The following AK5 variants were observed in gnomAD, a reference collection of about 807,000 sequenced individuals.
AK5 encodes the protein adenylate kinase 5.
In AK5, 27 loss-of-function variants were observed where a neutral mutation model predicts 69.5. The observed-to-expected ratio is 0.39, with a 90% CI of 0.29 to 0.54. AK5 has a LOEUF of 0.54. Ranked by LOEUF, AK5 falls within the 20% of genes least tolerant of loss-of-function variation. The pLI, the probability that AK5 is intolerant of heterozygous loss-of-function variation, is 0.71. For missense variants in AK5, 531 were observed against 700.4 expected, an observed-to-expected ratio of 0.76 and a Z score of 2.73; for synonymous variants, 260 against 244.4, an observed-to-expected ratio of 1.06 and a Z score of -0.60.
intron 6 of AK5, among the ~76,000 whole-genome samples, chr1:77,369,262 C>A (rs1647075677): frequency 1.3e-5 from 2 of 152,156 alleles, no homozygotes; most frequent in South Asian, 4.1e-4. Flanking sequence ...AAACCAAGAT[C>A]TGTCTAATTC....
In AK5 at chr1:77,526,621, G is replaced by A. The variant is rs558819610; in HGVS notation, c.1428+4678G>A. On this transcript the variant is annotated intron_variant, in intron 12 of 13. Coordinates refer to ENST00000354567, the MANE Select transcript of AK5 (RefSeq NM_174858.3). ...CTCCCAAGTAGCTGGGACTACAGGCGCCCGCCACCACACCTGGCTAATTTT... is the reference window on the plus strand; with the variant it reads ...CTCCCAAGTAGCTGGGACTACAGGCACCCGCCACCACACCTGGCTAATTTT... 5.2e-3 allele frequency among the ~76,000 whole-genome samples: 780 copies of A among 151,272 alleles called. 7 individuals carry two copies. The highest frequency in any genetic ancestry group is 0.01 in the Middle Eastern group (3 of 292).
At chr1:77,337,552 C>G (rs1661426630) in intron 5 of AK5, among the ~76,000 whole-genome samples, 1 of 151,922 alleles carries the variant, frequency 6.6e-6, no homozygotes, top group Non-Finnish European at 1.5e-5. Context: ...GTGGCTGAAG[C>G]TGGATGTTAC....
chr1:77,402,968 A>C lies in AK5; in HGVS notation c.892-8013A>C, dbSNP rs1265176574. ...CCTCTCCAGCACCTGTTGTTTCCTG[A>C]CTTTTTAATGATTGCCATTCTAACT... On this transcript the variant is annotated intron_variant, in intron 6 of 13. Transcript: ENST00000354567. 2.0e-5 allele frequency among the ~76,000 whole-genome samples: 3 copies of C among 151,932 alleles called. No individual in the cohort carries two copies. In the East Asian group the frequency reaches 5.8e-4, roughly 29 times the overall value.
At chr1:77,284,268 G>A (rs1658224610) in intron 1 of AK5, among the ~76,000 whole-genome samples, 1 of 152,182 alleles carries the variant, frequency 6.6e-6, no homozygotes, top group South Asian at 2.1e-4. Flanking sequence ...AGTTCTCCAT[G>A]TGATTAGTGT....
chr1:77,518,247 G>A lies in AK5; in HGVS notation c.1148-317G>A, dbSNP rs77090113. Among the ~76,000 whole-genome samples, 527 of 152,250 alleles carry A rather than the reference G, an allele frequency of 3.5e-3. 6 individuals are homozygous for A. Among genetic ancestry groups the A allele is most frequent in the African/African-American group, 0.012 (499 of 41,542 alleles). On this transcript the variant is annotated intron_variant, in intron 10 of 13. Coordinates refer to ENST00000354567, the MANE Select transcript of AK5 (RefSeq NM_174858.3). The stretch of plus-strand genomic sequence containing the variant: ...GCCAAGTACCCCTCCTCTGTGCCCC[G>A]ATAGTAGGCTGTACTCATCTTCACT...
chr1:77,508,539 C>T (rs535083198), intron 10 of AK5, among the ~76,000 whole-genome samples: 15 of 152,266 alleles, frequency 9.9e-5, no homozygotes, highest in Middle Eastern at 6.8e-3. Flanking sequence ...ATTTCATTGA[C>T]CAAAACAAGT....
At chr1:77,409,986 A>G (rs1649928572) in intron 6 of AK5, among the ~76,000 whole-genome samples, 1 of 152,120 alleles carries the variant, frequency 6.6e-6, no homozygotes, top group Non-Finnish European at 1.5e-5. Context: ...AGCACTATTT[A>G]TTGAATAGGG....
At chr1:77,376,725 G>T (rs942730280) in intron 6 of AK5, among the ~76,000 whole-genome samples, 2 of 152,134 alleles carry the variant, frequency 1.3e-5, no homozygotes, top group African/African-American at 4.8e-5. Context: ...AGGATCACTT[G>T]AGTTGAGGAG....
intron 8 of AK5, among the ~76,000 whole-genome samples, chr1:77,447,682 A>G (rs1652838937): frequency 6.6e-6 from 1 of 152,254 alleles, no homozygotes; most frequent in Non-Finnish European, 1.5e-5. Context: ...CATTTGTGAT[A>G]ACACAATAGT....
intron 10 of AK5, among the ~76,000 whole-genome samples, chr1:77,517,697 GA>G (rs1400598369): frequency 6.6e-6 from 1 of 151,960 alleles, no homozygotes; most frequent in African/African-American, 2.4e-5. Flanking sequence ...AATAGCTAAG[GA>G]AAAAAATAAG....
chr1:77,349,783 T>A (rs1490504072), intron 6 of AK5, among the ~76,000 whole-genome samples: 1 of 152,222 alleles, frequency 6.6e-6, no homozygotes, highest in Non-Finnish European at 1.5e-5. Context: ...TTATCTATAC[T>A]ACTATCTCTT....
chr1:77,558,511 C>A, intron 13 of AK5, 91 bp from the exon 14 acceptor site: 1 of 802,716 alleles, frequency 1.2e-6, no homozygotes. Flanking sequence ...TTTTGCAGAG[C>A]AAATTATGAG....
At chr1:77,401,117 A>C (rs935082823) in intron 6 of AK5, among the ~76,000 whole-genome samples, 6 of 152,132 alleles carry the variant, frequency 3.9e-5, no homozygotes, top group Non-Finnish European at 8.8e-5. Context: ...ATGAGGCTTT[A>C]GAAATATGGT....
At chr1:77,499,693 G>A (rs1246571305) in intron 10 of AK5, among the ~76,000 whole-genome samples, 1 of 152,048 alleles carries the variant, frequency 6.6e-6, no homozygotes, top group Admixed American at 6.6e-5. Context: ...CTGCTGTTGA[G>A]AAAGGAAGAG....
At chr1:77,367,355 A>G (rs1412792486) in intron 6 of AK5, among the ~76,000 whole-genome samples, 2 of 149,490 alleles carry the variant, frequency 1.3e-5, no homozygotes, top group Non-Finnish European at 3.0e-5. Flanking sequence ...TTGAGACAGG[A>G]TCTCACTCTG....
chr1:77,320,679 G>A (rs1335575376), intron 5 of AK5, among the ~76,000 whole-genome samples: 2 of 152,080 alleles, frequency 1.3e-5, no homozygotes, highest in African/African-American at 2.4e-5. Context: ...AATCCGAGAA[G>A]CAGAGATTGC....
chr1:77,418,138 A>G (rs1202343438), intron 8 of AK5, among the ~76,000 whole-genome samples: 1 of 152,178 alleles, frequency 6.6e-6, no homozygotes, highest in Non-Finnish European at 1.5e-5. Flanking sequence ...AGACTGGGCA[A>G]TTTATAAAAG....
At chr1:77,284,932 A>G (rs1218457799) in intron 1 of AK5, among the ~76,000 whole-genome samples, 2 of 150,878 alleles carry the variant, frequency 1.3e-5, no homozygotes, top group Admixed American at 6.6e-5. Flanking sequence ...GTGTTCACCC[A>G]TTTCAGGCAA....
At chr1:77,516,727 G>C (rs189591276) in intron 10 of AK5, among the ~76,000 whole-genome samples, 3 of 152,060 alleles carry the variant, frequency 2.0e-5, no homozygotes, top group Admixed American at 2.0e-4. Context: ...AGCATTGAAA[G>C]TCCAAGAATT....
Sources: allele counts gnomAD v4.1 joint callset (sites outside exome capture counted in the v4.1 genomes callset), GRCh38; gene constraint gnomAD v4.1.1; transcripts MANE v1.5; gene names NCBI Gene and HGNC (gene_info 2026-07-23, HGNC 2026-07-21).